The following ITPR2 variants were observed in gnomAD, a reference collection of about 807,000 sequenced individuals.
ITPR2 encodes inositol 1,4,5-trisphosphate receptor type 2, also known as inositol 1,4,5-trisphosphate-gated calcium channel ITPR2.
In ITPR2, 207 loss-of-function variants were observed where a neutral mutation model predicts 317.1. That is an observed-to-expected ratio of 0.65 (90% CI 0.58 to 0.73). ITPR2 has a LOEUF of 0.73. Among genes scored for constraint, ITPR2 ranks in the 30% least tolerant of loss-of-function variants. The pLI, the probability that ITPR2 is intolerant of heterozygous loss-of-function variation, is 0.00. For synonymous variants in ITPR2, 1,156 were observed against 1,149.1 expected, an observed-to-expected ratio of 1.01 and a Z score of -0.12; for missense variants, 2,613 against 3,284.0, an observed-to-expected ratio of 0.80 and a Z score of 4.99.
chr12:26,609,623 A>G (rs1946218496), intron 26 of ITPR2, among the ~76,000 whole-genome samples: 1 of 136,440 alleles, frequency 7.3e-6, no homozygotes, highest in Non-Finnish European at 1.6e-5. Context: ...GAACAAATGG[A>G]AAAGTTAAAA....
At chr12:26,365,885 T>TTTA (rs1433825611) in intron 55 of ITPR2, among the ~76,000 whole-genome samples, 1 of 152,242 alleles carries the variant, frequency 6.6e-6, no homozygotes, top group African/African-American at 2.4e-5. Context: ...TTGAATATTA[T>TTTA]TTATTTCAGT....
intron 2 of ITPR2, among the ~76,000 whole-genome samples, chr12:26,787,268 C>A (rs1300469831): frequency 6.6e-6 from 1 of 152,192 alleles, no homozygotes; most frequent in Non-Finnish European, 1.5e-5. Context: ...AAGAACCCTC[C>A]TTTTCCAGTG....
At chr12:26,423,918 CA>C (rs1200090497) in intron 49 of ITPR2, among the ~76,000 whole-genome samples, 2 of 152,010 alleles carry the variant, frequency 1.3e-5, no homozygotes, top group Admixed American at 1.3e-4. Context: ...TGAATAAAGA[CA>C]ATAAAAAAGA....
At chr12:26,441,623 C>T (rs1941489749) in intron 46 of ITPR2, among the ~76,000 whole-genome samples, 1 of 152,120 alleles carries the variant, frequency 6.6e-6, no homozygotes, top group African/African-American at 2.4e-5. Context: ...AAGAGCTGAT[C>T]AACGAGTTCA....
At chr12:26,746,027 C>T (rs1267035436) in intron 2 of ITPR2, among the ~76,000 whole-genome samples, 1 of 151,930 alleles carries the variant, frequency 6.6e-6, no homozygotes, top group Non-Finnish European at 1.5e-5. Flanking sequence ...TGTATAGATC[C>T]TCATCTCCCC....
chr12:26,677,461 G>A (rs1011165355), intron 13 of ITPR2, among the ~76,000 whole-genome samples: 1 of 151,944 alleles, frequency 6.6e-6, no homozygotes, highest in Non-Finnish European at 1.5e-5. Context: ...TTAGCTGGGT[G>A]TGGTGGCACG....
At position 26,336,817 on chromosome 12, in the gene ITPR2, A is replaced by G. The variant is rs1228701593; in HGVS notation, c.*2580T>C. The G allele has an allele frequency of 3.3e-5, 5 of 152,174 alleles. No homozygotes were observed. The East Asian group carries it at 9.6e-4, about 29-fold the overall frequency. 9.4% of individuals were successfully genotyped at this position (152,174 alleles called of 1,614,324 possible). On this transcript the variant is annotated 3_prime_UTR_variant, in exon 57 of 57. Coordinates refer to ENST00000381340, the MANE Select transcript of ITPR2 (RefSeq NM_002223.4). ...TATATAAATACAAGGATGTTAACTGATACTCACCTAAGTCAAATATTCCAG... is the reference window on the plus strand; with the variant it reads ...TATATAAATACAAGGATGTTAACTGGTACTCACCTAAGTCAAATATTCCAG...
chr12:26,374,834 A>C (rs1284754095), intron 55 of ITPR2, among the ~76,000 whole-genome samples: 1 of 152,238 alleles, frequency 6.6e-6, no homozygotes, highest in Non-Finnish European at 1.5e-5. Context: ...CTAATCTCTG[A>C]AATCCAAGTG....
At chr12:26,464,639 C>T (rs573432913) in intron 45 of ITPR2, among the ~76,000 whole-genome samples, 48 of 152,352 alleles carry the variant, frequency 3.2e-4, no homozygotes, top group African/African-American at 1.1e-3. Context: ...AAACAATTTA[C>T]TATATCAAAC....
At chr12:26,425,555 C>G (rs78346169) in intron 49 of ITPR2, among the ~76,000 whole-genome samples, 1,845 of 151,910 alleles carry the variant, frequency 0.012, 27 homozygotes, top group African/African-American at 0.042. Context: ...ATAGCCCCAG[C>G]TACTCAGGAG....
At chr12:26,500,400 T>C (rs2136888394) in intron 37 of ITPR2, among the ~76,000 whole-genome samples, 1 of 152,328 alleles carries the variant, frequency 6.6e-6, no homozygotes. Flanking sequence ...ACTTCTGTGC[T>C]GGTTCTTCAA....
At chr12:26,350,172 C>A (rs771699129) in intron 55 of ITPR2, among the ~76,000 whole-genome samples, 1 of 151,932 alleles carries the variant, frequency 6.6e-6, no homozygotes, top group African/African-American at 2.4e-5. Flanking sequence ...TTTAGGGAGG[C>A]GGAGGGAAGC....
intron 22 of ITPR2, among the ~76,000 whole-genome samples, chr12:26,629,676 C>T (rs566811963): frequency 6.6e-6 from 1 of 152,130 alleles, no homozygotes; most frequent in South Asian, 2.1e-4. Context: ...ATCAATCTCC[C>T]TCCTTTCCTC....
At chr12:26,731,478 AG>A (rs1224389326) in intron 2 of ITPR2, among the ~76,000 whole-genome samples, 1 of 152,222 alleles carries the variant, frequency 6.6e-6, no homozygotes. Flanking sequence ...AGGGGCAGGC[AG>A]ACAAGGGGCC....
intron 35 of ITPR2, among the ~76,000 whole-genome samples, chr12:26,556,753 G>T (rs192919717): frequency 1.9e-4 from 28 of 146,220 alleles, no homozygotes; most frequent in Admixed American, 2.8e-4. Flanking sequence ...TAAATTAGGG[G>T]AATACCCAGG....
Position 26,806,614 on chromosome 12 carries a change from G to A in ITPR2, c.93-16387C>T, listed in dbSNP as rs534185807. Among the ~76,000 whole-genome samples, 16 of 152,276 alleles carry A rather than the reference G, an allele frequency of 1.1e-4. No individual in the cohort carries two copies. In the South Asian group the frequency reaches 1.2e-3, roughly 12 times the overall value. On this transcript the variant is annotated intron_variant, in intron 1 of 56. Transcript: ENST00000381340. ...AATATTCTGGGTAAGTTCACATTTCGTTACTAAACATGAAAAGAATTTCAG... is the reference window on the plus strand; with the variant it reads ...AATATTCTGGGTAAGTTCACATTTCATTACTAAACATGAAAAGAATTTCAG...
chr12:26,659,866 T>C (rs1423731347), intron 15 of ITPR2, among the ~76,000 whole-genome samples: 1 of 152,264 alleles, frequency 6.6e-6, no homozygotes, highest in Non-Finnish European at 1.5e-5. Flanking sequence ...GTGAATAGGC[T>C]GGAATGATCT....
chr12:26,444,474 T>C (rs1306598404), intron 45 of ITPR2, among the ~76,000 whole-genome samples: 1 of 152,158 alleles, frequency 6.6e-6, no homozygotes, highest in Non-Finnish European at 1.5e-5. Context: ...CCCAGCACAA[T>C]GCCTGCCTCC....
chr12:26,400,243 T>C lies in ITPR2; in HGVS notation c.7415A>G (p.Glu2472Gly). Residue 2472 changes from glutamate (E) to glycine (G), a missense_variant, in exon 53 of 57, where the codon GAA (glutamate) becomes GGA (glycine). Transcript: ENST00000381340. ...GTCACACGTCCTTTCAATTCCATCTTCATACTCTTCATCAGCTATAAAAAC... is the reference window on the plus strand; with the variant it reads ...GTCACACGTCCTTTCAATTCCATCTCCATACTCTTCATCAGCTATAAAAAC... ...PASNTADEEY[E>G]DGIERTCDTL... 1 of 1,569,850 alleles carries C rather than the reference T, an allele frequency of 6.4e-7. No individual in the cohort carries two copies. The highest frequency in any genetic ancestry group is 8.7e-7 in the Non-Finnish European group (1 of 1,153,372).
Sources: allele counts gnomAD v4.1 joint callset (sites outside exome capture counted in the v4.1 genomes callset), GRCh38; gene constraint gnomAD v4.1.1; transcripts MANE v1.5; gene names NCBI Gene and HGNC (gene_info 2026-07-23, HGNC 2026-07-21).